UBTD2: variants seen among roughly 807,000 people sequenced by gnomAD.
The protein encoded by UBTD2 is ubiquitin domain containing 2.
A neutral mutation model predicts 19.8 loss-of-function variants in UBTD2; 9 were observed. The ratio of observed to expected loss-of-function variants is 0.46; its 90% CI spans 0.27 to 0.79. The LOEUF is 0.79. Among genes scored for constraint, UBTD2 ranks in the 30% least tolerant of loss-of-function variants. The pLI is 0.14. For synonymous variants in UBTD2, 98 were observed against 103.9 expected, an observed-to-expected ratio of 0.94 and a Z score of 0.35; for missense variants, 250 against 300.4, an observed-to-expected ratio of 0.83 and a Z score of 1.24.
intron 1 of UBTD2, among the ~76,000 whole-genome samples, chr5:172,274,172 G>A (rs917828694): frequency 7.4e-6 from 1 of 135,504 alleles, no homozygotes; most frequent in Non-Finnish European, 1.5e-5. Flanking sequence ...ACGGAGCCTC[G>A]CTGTGTCGCC....
rs141162968 is a variant in UBTD2 at position 172,254,032 on chromosome 5, C to T, written c.71-19674G>A. On this transcript the variant is annotated intron_variant, in intron 1 of 2. Coordinates refer to ENST00000393792, the MANE Select transcript of UBTD2 (RefSeq NM_152277.3). ...ATAATATAAGTTCAGAGATTCAGAC[C>T]GGCTGAATCAAATTAAAATGTTTTA... Among the ~76,000 whole-genome samples, 171 of 152,244 alleles carry T rather than the reference C, an allele frequency of 1.1e-3. 1 individual carries two copies. Among genetic ancestry groups the T allele is most frequent in the East Asian group, 8.1e-3 (42 of 5,174 alleles).
intron 1 of UBTD2, among the ~76,000 whole-genome samples, chr5:172,236,045 T>C (rs1285688212): frequency 1.3e-5 from 2 of 152,206 alleles, no homozygotes; most frequent in Admixed American, 6.5e-5. Flanking sequence ...AGATGAAATT[T>C]GGACTATGCA....
intron 1 of UBTD2, among the ~76,000 whole-genome samples, chr5:172,260,315 C>T (rs1036826024): frequency 2.7e-5 from 4 of 150,256 alleles, no homozygotes; most frequent in African/African-American, 1.0e-4. Flanking sequence ...AAACTTCTTT[C>T]CTCCCTCTTC....
chr5:172,223,651 G>C (rs1771699070), intron 2 of UBTD2, among the ~76,000 whole-genome samples: 1 of 140,276 alleles, frequency 7.1e-6, no homozygotes, highest in African/African-American at 2.7e-5. Flanking sequence ...TGCTAACCCT[G>C]TCTAAGCACT....
rs1371221364 is a variant in UBTD2, at chr5:172,210,115, T to G, written c.*1715A>C. The G allele has an allele frequency of 6.6e-6, 1 of 152,202 alleles. No individual in the cohort carries two copies. Among genetic ancestry groups the G allele is most frequent in the African/African-American group, 2.4e-5 (1 of 41,444 alleles). 9.4% of individuals were successfully genotyped at this position (152,202 alleles called of 1,614,324 possible). Reference sequence around the variant, plus strand: ...TTAATGCTGTGGTCTTCACTTGAATTTAGATTCAATCATCAGCAAATTTAA... The same window carrying G: ...TTAATGCTGTGGTCTTCACTTGAATGTAGATTCAATCATCAGCAAATTTAA... On this transcript the variant is annotated 3_prime_UTR_variant, in exon 3 of 3. Coordinates refer to ENST00000393792, the MANE Select transcript of UBTD2 (RefSeq NM_152277.3).
chr5:172,229,809 CTG>C (rs1469031568), intron 2 of UBTD2, among the ~76,000 whole-genome samples: 1 of 152,054 alleles, frequency 6.6e-6, no homozygotes, highest in Admixed American at 6.6e-5. Context: ...TACGCAGAAA[CTG>C]TGTGAAAAGT....
rs191104606 is a variant in UBTD2 at position 172,270,426 on chromosome 5, C to T, written c.70+13170G>A. ...AGGCCGGAGTGCAATGGTGCGATCTCGGCTCTTCAACCTCTGCCTCCCGGG... is the reference window on the plus strand; with the variant it reads ...AGGCCGGAGTGCAATGGTGCGATCTTGGCTCTTCAACCTCTGCCTCCCGGG... On this transcript the variant is annotated intron_variant, in intron 1 of 2. Transcript: ENST00000393792. Among the ~76,000 whole-genome samples the T allele has an allele frequency of 4.4e-5, 6 of 137,288 alleles. No homozygotes were observed. In the East Asian group the frequency reaches 1.1e-3, roughly 24 times the overall value. The allele number at this position is 137,288 out of a possible 152,430, so 90.1% of individuals were successfully genotyped here.
At chr5:172,260,286 CTCTT>C (rs1755241271) in intron 1 of UBTD2, among the ~76,000 whole-genome samples, 1 of 151,968 alleles carries the variant, frequency 6.6e-6, no homozygotes, top group East Asian at 1.9e-4. Context: ...TCCTTACTCT[CTCTT>C]AATGTTTTAT....
At position 172,223,586 on chromosome 5, in the gene UBTD2, C is replaced by CAAAAA. The variant is rs577474758; in HGVS notation, c.307+10531_307+10535dup. On this transcript the variant is annotated intron_variant, in intron 2 of 2. Transcript: ENST00000393792. ...TGCACTCCAGCCTGGGCGACGGAGT[C>CAAAAA]AAAAAAAAAAAAAAAAAAAAAAAAA... Among the ~76,000 whole-genome samples the CAAAAA allele has an allele frequency of 4.0e-3, 131 of 33,126 alleles. 29 individuals carry two copies. Among genetic ancestry groups the CAAAAA allele is most frequent in the African/African-American group, 0.015 (117 of 7,660 alleles). The allele number at this position is 33,126 out of a possible 152,430, so 21.7% of individuals were successfully genotyped here.
intron 1 of UBTD2, among the ~76,000 whole-genome samples, chr5:172,268,374 C>A (rs925407284): frequency 6.6e-6 from 1 of 152,038 alleles, no homozygotes; most frequent in South Asian, 2.1e-4. Flanking sequence ...ATAGTTCAAC[C>A]GTCCTCTGTA....
chr5:172,266,187 T>G (rs1344030977), intron 1 of UBTD2, among the ~76,000 whole-genome samples: 2 of 152,056 alleles, frequency 1.3e-5, no homozygotes, highest in African/African-American at 4.8e-5. Context: ...CGCCTCGGCC[T>G]CCGAAAGTGC....
intron 1 of UBTD2, among the ~76,000 whole-genome samples, chr5:172,240,756 A>C (rs1772110994): frequency 6.6e-6 from 1 of 152,154 alleles, no homozygotes; most frequent in African/African-American, 2.4e-5. Flanking sequence ...CTTTATTGAG[A>C]AAGATAATAT....
chr5:172,212,795 G>A (rs1178680444), intron 2 of UBTD2, among the ~76,000 whole-genome samples: 1 of 151,864 alleles, frequency 6.6e-6, no homozygotes, highest in Non-Finnish European at 1.5e-5. Context: ...CTTCCGAGTA[G>A]TTGGGATTAC....
intron 1 of UBTD2, among the ~76,000 whole-genome samples, chr5:172,264,638 CCAAGA>C (rs1451931828): frequency 6.6e-6 from 1 of 151,400 alleles, no homozygotes; most frequent in Non-Finnish European, 1.5e-5. Flanking sequence ...CTTTGGGAGG[CCAAGA>C]CAAGAGGATC....
rs1214308760 is a variant in UBTD2 at position 172,244,295 on chromosome 5, G to GTTTGTTTTTTTT, written c.71-9938_71-9937insAAAAAAAACAAA. On this transcript the variant is annotated intron_variant, in intron 1 of 2. Transcript: ENST00000393792. ...CAAGACTGTTTCCCCTTTCCTCCCA[G>GTTTGTTTTTTTT]TTTTTTTTTTTTTTTTTTGAGACAG... is the stretch of plus-strand genomic sequence containing the variant. Among the ~76,000 whole-genome samples the GTTTGTTTTTTTT allele has an allele frequency of 1.6e-3, 200 of 125,988 alleles. 8 individuals carry two copies. Among genetic ancestry groups the GTTTGTTTTTTTT allele is most frequent in the Non-Finnish European group, 1.8e-3 (109 of 61,228 alleles). The allele number at this position is 125,988 out of a possible 152,430, so 82.7% of individuals were successfully genotyped here.
At chr5:172,256,846 C>T (rs144887205) in intron 1 of UBTD2, among the ~76,000 whole-genome samples, 2 of 151,844 alleles carry the variant, frequency 1.3e-5, no homozygotes, top group African/African-American at 2.4e-5. Flanking sequence ...GCTTGAACCC[C>T]GCAGGTGGTT....
intron 1 of UBTD2, among the ~76,000 whole-genome samples, chr5:172,236,090 A>C (rs553686756): frequency 2.6e-5 from 4 of 152,336 alleles, no homozygotes; most frequent in East Asian, 1.9e-4. Context: ...ACCCTGGGCT[A>C]TCTCTACTCT....
rs188937132 is a variant in UBTD2, at chr5:172,249,169, G to A, written c.71-14811C>T. Among the ~76,000 whole-genome samples the A allele has an allele frequency of 9.2e-5, 14 of 152,018 alleles. 1 individual carries two copies. In the East Asian group the frequency reaches 1.5e-3, roughly 17 times the overall value. On this transcript the variant is annotated intron_variant, in intron 1 of 2. Coordinates refer to ENST00000393792, the MANE Select transcript of UBTD2 (RefSeq NM_152277.3). The stretch of plus-strand genomic sequence containing the variant: ...TCCCAGCACTTTGGAAGGCCGAGGC[G>A]GGTGTATCAGTTGTGGTCAGGAGTT...
intron 1 of UBTD2, among the ~76,000 whole-genome samples, chr5:172,246,484 G>A (rs1295692583): frequency 8.3e-6 from 1 of 120,132 alleles, no homozygotes; most frequent in African/African-American, 3.3e-5. Context: ...TCACTCCGTC[G>A]CCCAGGCTGC....
Sources: gnomAD v4.1 joint callset for allele counts (sites outside exome capture counted in the v4.1 genomes callset) on GRCh38, gnomAD v4.1.1 for gene constraint, MANE v1.5 for transcripts, NCBI Gene and HGNC (gene_info 2026-07-23, HGNC 2026-07-21) for gene names.